Variants in FTO observed in about 807,000 individuals in gnomAD.
FTO encodes FTO alpha-ketoglutarate dependent dioxygenase.
FTO carries 47 observed loss-of-function variants against 63.9 expected under a neutral mutation model. The ratio of observed to expected loss-of-function variants is 0.74; its 90% confidence interval spans 0.58 to 0.94. The LOEUF (loss-of-function observed/expected upper bound fraction) is 0.94. FTO is among the 40% of genes least tolerant of loss of function. The pLI is 0.00. For missense variants in FTO, 562 were observed against 618.1 expected, an observed-to-expected ratio of 0.91 and a Z score of 0.96; for synonymous variants, 207 against 224.4, an observed-to-expected ratio of 0.92 and a Z score of 0.69.
intron 1 of FTO, among the ~76,000 whole-genome samples, chr16:53,709,247 A>G (rs2075707954): frequency 6.6e-6 from 1 of 152,244 alleles, no homozygotes; most frequent in Non-Finnish European, 1.5e-5. Context: ...AGGTTGGACC[A>G]CATAGCTTTC....
intron 7 of FTO, among the ~76,000 whole-genome samples, chr16:53,929,010 A>C (rs532973658): frequency 6.6e-6 from 1 of 152,140 alleles, no homozygotes; most frequent in African/African-American, 2.4e-5. Flanking sequence ...CACCTGGCTA[A>C]TTTTTGTATT....
chr16:53,940,174 G>C (rs2082493831), intron 8 of FTO, among the ~76,000 whole-genome samples: 1 of 151,332 alleles, frequency 6.6e-6, no homozygotes, highest in Non-Finnish European at 1.5e-5. Context: ...CATTTTTTTG[G>C]ACTGTAGATA....
At chr16:54,056,229 T>C (rs1167008458) in intron 8 of FTO, among the ~76,000 whole-genome samples, 1 of 152,248 alleles carries the variant, frequency 6.6e-6, no homozygotes, top group African/African-American at 2.4e-5. Flanking sequence ...CCACCACTGC[T>C]GTCCCTTAGG....
rs200060289 is a variant in FTO, at chr16:53,853,700, C to CA, written c.895+9403dup. ...AGTATTTCATGGTATATATACATGCCACATTTTCTTTATCTACTCAACAGT... is the reference window on the plus strand; with the variant it reads ...AGTATTTCATGGTATATATACATGCCAACATTTTCTTTATCTACTCAACAGT... On this transcript the variant is annotated intron_variant, in intron 4 of 8. Coordinates refer to ENST00000471389, the MANE Select transcript of FTO (RefSeq NM_001080432.3). Among the ~76,000 whole-genome samples, 17 of 152,080 alleles carry CA rather than the reference C, an allele frequency of 1.1e-4. No individual in the cohort carries two copies. The East Asian group carries it at 3.1e-3, about 28-fold the overall frequency.
chr16:53,931,904 A>ACG (rs1555495391), intron 7 of FTO, among the ~76,000 whole-genome samples: 1,996 of 151,340 alleles, frequency 0.013, 36 homozygotes, highest in African/African-American at 0.046. Flanking sequence ...ACACACACAC[A>ACG]CACGCACATA....
At chr16:53,948,102 C>T (rs2082691723) in intron 8 of FTO, among the ~76,000 whole-genome samples, 1 of 152,180 alleles carries the variant, frequency 6.6e-6, no homozygotes, top group Non-Finnish European at 1.5e-5. Flanking sequence ...CTGGTGATTT[C>T]TCCTTGTGTG....
chr16:53,766,253 TCTCA>T (rs2077197449), intron 1 of FTO, among the ~76,000 whole-genome samples: 1 of 151,942 alleles, frequency 6.6e-6, no homozygotes. Flanking sequence ...GGAGATGGGG[TCTCA>T]CTCTGTTGCC....
At chr16:54,065,291 G>C (rs1301720151) in intron 8 of FTO, among the ~76,000 whole-genome samples, 1 of 151,740 alleles carries the variant, frequency 6.6e-6, no homozygotes, top group African/African-American at 2.4e-5. Context: ...CCAGTAGCTG[G>C]GACTAGGGAC....
intron 1 of FTO, among the ~76,000 whole-genome samples, chr16:53,708,072 T>C (rs2075670777): frequency 6.6e-6 from 1 of 152,220 alleles, no homozygotes; most frequent in Non-Finnish European, 1.5e-5. Context: ...AGAATTCCAG[T>C]GTCAGGCCGA....
At position 54,079,730 on chromosome 16, in the gene FTO, C is replaced by T. The variant is rs545867223; in HGVS notation, c.1365-32032C>T. 6.6e-5 allele frequency among the ~76,000 whole-genome samples: 10 copies of T among 152,098 alleles called. No homozygotes were observed. The East Asian group carries it at 7.7e-4, about 12-fold the overall frequency. On this transcript the variant is annotated intron_variant, in intron 8 of 8. Transcript: ENST00000471389. Reference sequence around the variant, plus strand: ...AGCCTGGACGAGTTTCAAACTGGAACGTGTATGTCCTATCTAAGGAGGCAG... The same window carrying T: ...AGCCTGGACGAGTTTCAAACTGGAATGTGTATGTCCTATCTAAGGAGGCAG...
chr16:53,896,291 A>C (rs2081277599), intron 7 of FTO, among the ~76,000 whole-genome samples: 1 of 152,010 alleles, frequency 6.6e-6, no homozygotes, highest in Admixed American at 6.6e-5. Flanking sequence ...ACATAAAACA[A>C]ATTATGTAAC....
chr16:53,955,515 G>A (rs897505983), intron 8 of FTO, among the ~76,000 whole-genome samples: 1 of 152,126 alleles, frequency 6.6e-6, no homozygotes, highest in African/African-American at 2.4e-5. Flanking sequence ...TAAGTGAGAT[G>A]GGATGAGAGA....
intron 4 of FTO, among the ~76,000 whole-genome samples, chr16:53,851,028 T>C (rs1024696062): frequency 2.6e-5 from 4 of 152,120 alleles, no homozygotes; most frequent in Non-Finnish European, 4.4e-5. Context: ...TAATATCTTG[T>C]TCAATATGAC....
At chr16:53,763,468 A>C (rs973859702) in intron 1 of FTO, among the ~76,000 whole-genome samples, 2 of 152,200 alleles carry the variant, frequency 1.3e-5, no homozygotes, top group Non-Finnish European at 2.9e-5. Flanking sequence ...AAAGAATCAA[A>C]TTATGTATTA....
chr16:53,828,087 T>C (rs1255708668), intron 3 of FTO, among the ~76,000 whole-genome samples: 1 of 152,250 alleles, frequency 6.6e-6, no homozygotes, highest in East Asian at 1.9e-4. Context: ...ATAGTTTCTA[T>C]GCTCAGGAGT....
intron 8 of FTO, among the ~76,000 whole-genome samples, chr16:54,083,177 A>G (rs2086186655): frequency 6.6e-6 from 1 of 152,182 alleles, no homozygotes; most frequent in Non-Finnish European, 1.5e-5. Flanking sequence ...TGTTCATCTT[A>G]AGAATTTGAG....
At chr16:53,707,308 T>C (rs991580126) in intron 1 of FTO, among the ~76,000 whole-genome samples, 2 of 152,208 alleles carry the variant, frequency 1.3e-5, no homozygotes, top group African/African-American at 4.8e-5. Flanking sequence ...TCACATGGCC[T>C]TCTCTCTGTT....
intron 8 of FTO, among the ~76,000 whole-genome samples, chr16:53,982,594 T>A (rs2083572779): frequency 6.6e-6 from 1 of 152,198 alleles, no homozygotes; most frequent in Non-Finnish European, 1.5e-5. Context: ...TACAAATTTA[T>A]GGCTTCAAGT....
intron 8 of FTO, among the ~76,000 whole-genome samples, chr16:53,940,839 G>T (rs2082511574): frequency 6.6e-6 from 1 of 151,998 alleles, no homozygotes. Flanking sequence ...TTCTGGACTG[G>T]TAAAACAACG....
Sources: gnomAD v4.1 joint callset for allele counts (sites outside exome capture counted in the v4.1 genomes callset) on GRCh38, gnomAD v4.1.1 for gene constraint, MANE v1.5 for transcripts, NCBI Gene and HGNC (gene_info 2026-07-23, HGNC 2026-07-21) for gene names.